LAMA5: variants seen among roughly 807,000 people sequenced by gnomAD.
LAMA5 encodes the protein laminin subunit alpha-5.
In LAMA5, 260 loss-of-function variants were observed where a neutral mutation model predicts 433.4. That is an observed-to-expected ratio of 0.60 (90% CI 0.54 to 0.66). The LOEUF (loss-of-function observed/expected upper bound fraction) is 0.66, where lower values mean the gene tolerates loss of function less well. LAMA5 is among the 30% of genes least tolerant of loss of function. The pLI is 0.00. For synonymous variants in LAMA5, 2,620 were observed against 2,226.6 expected, an observed-to-expected ratio of 1.18 and a Z score of -4.97; for missense variants, 5,378 against 5,258.5, an observed-to-expected ratio of 1.02 and a Z score of -0.70.
Position 62,335,631 on chromosome 20 carries a change from C to T in LAMA5, c.2324-362G>A, listed in dbSNP as rs75062263. ...GGGTACAATCCCCTGAGGAACTCCA[C>T]ACCCCAACATTCCCTCCAGGGCACA... On this transcript the variant is annotated intron_variant, in intron 18 of 79. Coordinates refer to ENST00000252999, the MANE Select transcript of LAMA5 (RefSeq NM_005560.6). 7.5e-3 allele frequency among the ~76,000 whole-genome samples: 1,068 copies of T among 143,132 alleles called. 18 individuals carry two copies. Among genetic ancestry groups the T allele is most frequent in the African/African-American group, 0.026 (993 of 37,838 alleles). 93.9% of individuals were successfully genotyped at this position (143,132 alleles called of 152,430 possible).
intron 20 of LAMA5, 132 bp from the exon 21 acceptor site, chr20:62,334,753 C>CAGGGCTCAGGGTGAGGGCG: frequency 3.4e-6 from 2 of 581,998 alleles, no homozygotes; most frequent in African/African-American, 2.0e-5. Context: ...GCTCAGGGCT[C>CAGGGCTCAGGGTGAGGGCG]AGGGCGAGGG....
intron 57 of LAMA5, 34 bp downstream of exon 57, chr20:62,316,637 G>A (rs1346474236): frequency 3.4e-6 from 5 of 1,480,968 alleles, no homozygotes; most frequent in East Asian, 4.8e-5. Context: ...ATGCCCAGCA[G>A]GCCTAAGGGC....
At chr20:62,330,048 CCAAGAGG>C in intron 31 of LAMA5, 132 bp from the exon 32 acceptor site, 1 of 1,317,028 alleles carries the variant, frequency 7.6e-7, no homozygotes, top group Non-Finnish European at 1.0e-6. Context: ...CGGGACGTGC[CCAAGAGG>C]TCTGCAAGGC....
rs1986094761 is a variant in LAMA5 at position 62,310,331 on chromosome 20, TGGA to T, written c.10601-23_10601-21del. On this transcript the variant is annotated intron_variant, in intron 76 of 79. Coordinates refer to ENST00000252999, the MANE Select transcript of LAMA5 (RefSeq NM_005560.6). ...GGAGGTCTGCGGGGAGGGGTTGTGA[TGGA>T]GAAGAAAGGGGGGGCCCCTCCCCAG... 1 of 1,585,070 alleles carries T rather than the reference TGGA, an allele frequency of 6.3e-7. No individual in the cohort carries two copies. Among genetic ancestry groups the T allele is most frequent in the Non-Finnish European group, 8.6e-7 (1 of 1,164,346 alleles).
At chr20:62,326,185 A>AC (rs1601331125) in intron 40 of LAMA5, among the ~76,000 whole-genome samples, 1 of 151,662 alleles carries the variant, frequency 6.6e-6, no homozygotes, top group Non-Finnish European at 1.5e-5. Context: ...GCACCACTGC[A>AC]CCCCAGCCTG....
At chr20:62,348,411 G>C (rs994072830) in intron 6 of LAMA5, among the ~76,000 whole-genome samples, 4 of 152,062 alleles carry the variant, frequency 2.6e-5, no homozygotes, top group Non-Finnish European at 5.9e-5. Flanking sequence ...GAGACCATCT[G>C]GCTAACAAGG....
rs1254974984 is a variant in LAMA5 at position 62,328,940 on chromosome 20, C to T, written c.4351G>A (p.Glu1451Lys). The change falls in exon 34 of 80, where the codon GAG becomes AAG. Residue 1451 changes from glutamate to lysine, a missense_variant. Physicochemically the swap from Glu to Lys is moderately conservative, Grantham distance 56 (BLOSUM62 1). Coordinates refer to ENST00000252999, the MANE Select transcript of LAMA5 (RefSeq NM_005560.6). ...CAGGGACACTGGCCCCCGAAGGGCT[C>T]ACACGTGGGGCCTGTAGCACCTACT... Reference protein sequence around the residue: ...HEVGATGPTCEPFGGQCPCHA... With the variant: ...HEVGATGPTCKPFGGQCPCHA... 1 of 1,611,640 alleles carries T rather than the reference C, an allele frequency of 6.2e-7. No homozygotes were observed. Among genetic ancestry groups the T allele is most frequent in the Admixed American group, 1.7e-5 (1 of 59,896 alleles).
chr20:62,327,704 G>T (rs1180717471), intron 36 of LAMA5, 35 bp from the exon 37 acceptor site: 13 of 1,603,032 alleles, frequency 8.1e-6, no homozygotes. Context: ...TGGTCGGCAG[G>T]TGCCAGGTGC....
rs972087601 is a variant in LAMA5 at position 62,309,180 on chromosome 20, AT to A, written c.*155del. On this transcript the variant is annotated 3_prime_UTR_variant, in exon 80 of 80. Coordinates refer to ENST00000252999, the MANE Select transcript of LAMA5 (RefSeq NM_005560.6). ...ATATAAAAACATTTTGCAGTATTTT[AT>A]TCTTTCGTTTAAGAAGCTATAACTT... 1.3e-6 allele frequency: 1 copy of A among 757,676 alleles called. No homozygotes were observed. Among genetic ancestry groups the A allele is most frequent in the Admixed American group, 3.4e-5 (1 of 29,172 alleles). The allele number at this position is 757,676 out of a possible 1,614,324, so 46.9% of individuals were successfully genotyped here.
intron 29 of LAMA5, 31 bp downstream of exon 29, chr20:62,331,001 C>T (rs781347346): frequency 1.5e-5 from 24 of 1,579,186 alleles, no homozygotes; most frequent in Admixed American, 1.8e-5. Flanking sequence ...CCCTCGGCCG[C>T]GCCCCTCCCA....
intron 51 of LAMA5, 141 bp downstream of exon 51, chr20:62,319,543 G>T: frequency 1.6e-6 from 1 of 624,362 alleles, no homozygotes; most frequent in Non-Finnish European, 2.8e-6. Flanking sequence ...CTGCCCTACT[G>T]TTCACTCCAG....
rs918705004 is a variant in LAMA5 at position 62,328,546 on chromosome 20, G to T, written c.4448-101C>A. On this transcript the variant is annotated intron_variant, in intron 34 of 79. Transcript: ENST00000252999. The stretch of plus-strand genomic sequence containing the variant: ...GGGGATGTGGCAGTGTGACGGGGGC[G>T]GGGGAGACAAGAACAGGGACCCCTG... 1.1e-5 allele frequency: 14 copies of T among 1,257,684 alleles called. No individual in the cohort carries two copies. In the African/African-American group the frequency reaches 1.2e-4, roughly 11 times the overall value. 77.9% of individuals were successfully genotyped at this position (1,257,684 alleles called of 1,614,324 possible). A position where few individuals can be genotyped will look rare whatever the true frequency, so the allele number is the denominator to read the frequency against.
intron 36 of LAMA5, 27 bp from the exon 37 acceptor site, chr20:62,327,696 G>T: frequency 1.2e-6 from 2 of 1,605,336 alleles, no homozygotes; most frequent in Non-Finnish European, 1.7e-6. Context: ...AGTGAGAGTG[G>T]TCGGCAGGTG....
In LAMA5 at chr20:62,311,395, G is replaced by A; in HGVS notation, c.9942+6C>T. 6.4e-7 allele frequency: 1 copy of A among 1,552,604 alleles called. No individual in the cohort carries two copies. Among genetic ancestry groups the A allele is most frequent in the Non-Finnish European group, 8.7e-7 (1 of 1,147,222 alleles). ...AGCTCTGCCTGCTCACCCCTGGGGT[G>A]CCCACCTTCCGGGCGGTGGCCTGCA... On this transcript the variant is annotated splice_donor_region_variant and intron_variant, in intron 72 of 79. Coordinates refer to ENST00000252999, the MANE Select transcript of LAMA5 (RefSeq NM_005560.6).
In LAMA5 at chr20:62,359,879, C is replaced by T. The variant is rs1232230401; in HGVS notation, c.450+2521G>A. 6.6e-6 allele frequency among the ~76,000 whole-genome samples: 1 copy of T among 152,040 alleles called. No homozygotes were observed. The highest frequency in any genetic ancestry group is 1.5e-5 in the Non-Finnish European group (1 of 67,976). On this transcript the variant is annotated intron_variant, in intron 2 of 79. Transcript: ENST00000252999. This position sits in a 1 kb window ranked among gnomAD's most constrained non-coding sequence, Gnocchi z 4.3. Reference sequence around the variant, plus strand: ...GAGATCCGAACCGTGATGCAGCCCACCCCGCCCTCCTCAGCCTTCCAGGAG... The same window carrying T: ...GAGATCCGAACCGTGATGCAGCCCATCCCGCCCTCCTCAGCCTTCCAGGAG...
chr20:62,359,111 T>C lies in LAMA5; in HGVS notation c.450+3289A>G, dbSNP rs1381934551. Among the ~76,000 whole-genome samples the C allele has an allele frequency of 6.6e-6, 1 of 152,010 alleles. No individual in the cohort carries two copies. The highest frequency in any genetic ancestry group is 1.5e-5 in the Non-Finnish European group (1 of 67,980). ...ACTGGGACAAAGCCGCTACCCCACC[T>C]GTAGCACCTGCAGCGTGGCCTGCTC... On this transcript the variant is annotated intron_variant, in intron 2 of 79. Coordinates refer to ENST00000252999, the MANE Select transcript of LAMA5 (RefSeq NM_005560.6). This position sits in a 1 kb window ranked among gnomAD's most constrained non-coding sequence, Gnocchi z 4.3.
At chr20:62,356,946 C>G (rs115396115) in intron 2 of LAMA5, among the ~76,000 whole-genome samples, 1,797 of 152,296 alleles carry the variant, frequency 0.012, 28 homozygotes, top group African/African-American at 0.041. Flanking sequence ...GGCAAAGCTG[C>G]GGAGGGGACT....
At position 62,351,621 on chromosome 20, in the gene LAMA5, C is replaced by CAGGTTAGGCAGGGGTGACA. The variant is rs1200408230; in HGVS notation, c.956+64_956+82dup. 2.1e-5 allele frequency: 29 copies of CAGGTTAGGCAGGGGTGACA among 1,354,374 alleles called. No homozygotes were observed. The East Asian group carries it at 5.9e-4, about 28-fold the overall frequency. The allele number at this position is 1,354,374 out of a possible 1,614,324, so 83.9% of individuals were successfully genotyped here. On this transcript the variant is annotated intron_variant, in intron 6 of 79. Coordinates refer to ENST00000252999, the MANE Select transcript of LAMA5 (RefSeq NM_005560.6). The stretch of plus-strand genomic sequence containing the variant: ...GCCATGGAACCAGGTCACCCACCCT[C>CAGGTTAGGCAGGGGTGACA]AGGTTAGGCAGGGGTGACAAGGACA...
At chr20:62,344,278 T>A (rs563594917) in intron 11 of LAMA5, among the ~76,000 whole-genome samples, 1 of 151,240 alleles carries the variant, frequency 6.6e-6, no homozygotes, top group African/African-American at 2.4e-5. Context: ...TGATATGCCA[T>A]CAAGCAAAAG....
Sources: allele counts gnomAD v4.1 joint callset (sites outside exome capture counted in the v4.1 genomes callset), GRCh38; gene constraint gnomAD v4.1.1; non-coding constraint Gnocchi (gnomAD v3.1); transcripts MANE v1.5; gene names NCBI Gene and HGNC (gene_info 2026-07-23, HGNC 2026-07-21).